FHIT: variants seen among roughly 807,000 people sequenced by gnomAD.
FHIT encodes the protein fragile histidine triad diadenosine triphosphatase.
Under a neutral mutation model 17.9 loss-of-function variants are expected in FHIT, and 19 were observed. The observed-to-expected ratio is 1.06, with a 90% CI of 0.74 to 1.56. The LOEUF (loss-of-function observed/expected upper bound fraction) is 1.56. FHIT is among the 40% of genes most tolerant of loss of function. The pLI, the probability that FHIT is intolerant of heterozygous loss-of-function variation, is 0.00. For missense variants in FHIT, 248 were observed against 189.2 expected, an observed-to-expected ratio of 1.31 and a Z score of -1.82; for synonymous variants, 81 against 69.7, an observed-to-expected ratio of 1.16 and a Z score of -0.81.
chr3:60,457,075 A>G (rs1303740455), intron 5 of FHIT, among the ~76,000 whole-genome samples: 1 of 152,198 alleles, frequency 6.6e-6, no homozygotes, highest in Non-Finnish European at 1.5e-5. Flanking sequence ...AATTGGAAAA[A>G]ACTACTTTAA....
At chr3:60,442,507 C>T (rs1366588413) in intron 5 of FHIT, among the ~76,000 whole-genome samples, 2 of 152,118 alleles carry the variant, frequency 1.3e-5, no homozygotes, top group Non-Finnish European at 2.9e-5. Flanking sequence ...CCAGTTTTCC[C>T]AGCACCATTT....
Position 60,587,797 on chromosome 3 carries a change from C to T in FHIT, c.-17-50818G>A, listed in dbSNP as rs146199694. On this transcript the variant is annotated intron_variant, in intron 4 of 9. Coordinates refer to ENST00000492590, the MANE Select transcript of FHIT (RefSeq NM_002012.4). ...TGTATGCCTATATTTTTATTTTATC[C>T]TCTGACCATGGTAACATCGGTTGTC... Among the ~76,000 whole-genome samples the T allele has an allele frequency of 3.3e-5, 5 of 152,086 alleles. No homozygotes were observed. In the East Asian group the frequency reaches 9.7e-4, roughly 30 times the overall value.
intron 5 of FHIT, among the ~76,000 whole-genome samples, chr3:60,293,756 G>C (rs544837594): frequency 6.6e-6 from 1 of 152,118 alleles, no homozygotes; most frequent in Non-Finnish European, 1.5e-5. Context: ...TTTAGATAAA[G>C]AGGAATGGCA....
At chr3:60,890,889 A>G (rs911238494) in intron 3 of FHIT, among the ~76,000 whole-genome samples, 1 of 152,156 alleles carries the variant, frequency 6.6e-6, no homozygotes, top group Admixed American at 6.6e-5. Context: ...CTCAAAATCA[A>G]TAGGGCCATT....
intron 4 of FHIT, among the ~76,000 whole-genome samples, chr3:60,717,824 C>T (rs2041721807): frequency 6.6e-6 from 1 of 152,114 alleles, no homozygotes; most frequent in African/African-American, 2.4e-5. Flanking sequence ...CTGCCACCTA[C>T]CAAAATGTGA....
At chr3:59,943,218 C>T (rs775144644) in intron 7 of FHIT, among the ~76,000 whole-genome samples, 1 of 152,102 alleles carries the variant, frequency 6.6e-6, no homozygotes, top group Non-Finnish European at 1.5e-5. Flanking sequence ...TGATCAGGAA[C>T]CAGCTCAGGG....
intron 2 of FHIT, among the ~76,000 whole-genome samples, chr3:61,176,579 A>G (rs2038162343): frequency 6.6e-6 from 1 of 152,110 alleles, no homozygotes; most frequent in African/African-American, 2.4e-5. Flanking sequence ...TATTCTCCCA[A>G]TTCACTTAAG....
chr3:60,745,888 G>A (rs531010093), intron 4 of FHIT, among the ~76,000 whole-genome samples: 157 of 152,200 alleles, frequency 1.0e-3, no homozygotes, highest in African/African-American at 3.7e-3. Context: ...GTACCACCAC[G>A]TACTCTGAGT....
intron 5 of FHIT, among the ~76,000 whole-genome samples, chr3:60,384,767 T>G (rs1007298296): frequency 8.7e-5 from 13 of 149,706 alleles, no homozygotes; most frequent in Admixed American, 8.7e-4. Flanking sequence ...CTTCAACAGA[T>G]ACACTACAAA....
At chr3:60,946,948 G>C (rs9990051) in intron 3 of FHIT, among the ~76,000 whole-genome samples, 76,889 of 152,072 alleles carry the variant, frequency 0.51, 20,358 homozygotes, top group East Asian at 0.67. Context: ...GTCTGAGGAT[G>C]TGAATTTTTT....
At chr3:60,311,083 C>T (rs934795816) in intron 5 of FHIT, among the ~76,000 whole-genome samples, 3 of 152,138 alleles carry the variant, frequency 2.0e-5, no homozygotes, top group East Asian at 1.9e-4. Context: ...TGTCAATTAA[C>T]CCAACGTCAT....
intron 5 of FHIT, among the ~76,000 whole-genome samples, chr3:60,418,764 T>A (rs2687186): frequency 0.92 from 137,138 of 149,120 alleles, 64,032 homozygotes; most frequent in East Asian, 1. Flanking sequence ...CAAAAAAAAA[T>A]ATATTGAATG....
At chr3:59,909,295 G>T (rs1241231006) in intron 8 of FHIT, among the ~76,000 whole-genome samples, 1 of 151,954 alleles carries the variant, frequency 6.6e-6, no homozygotes, top group Admixed American at 6.6e-5. Context: ...GCCTCCCAAA[G>T]GGCTGGGATT....
intron 5 of FHIT, among the ~76,000 whole-genome samples, chr3:60,139,320 G>A (rs1044637473): frequency 5.3e-5 from 8 of 152,094 alleles, no homozygotes; most frequent in South Asian, 4.1e-4. Flanking sequence ...AACCAAAAAG[G>A]GGGCAAAGCC....
At chr3:61,026,660 AT>A (rs543808254) in intron 3 of FHIT, among the ~76,000 whole-genome samples, 12 of 151,500 alleles carry the variant, frequency 7.9e-5, no homozygotes, top group African/African-American at 2.2e-4. Context: ...TTTTTTTGCA[AT>A]TTTTTTTTAA....
intron 2 of FHIT, among the ~76,000 whole-genome samples, chr3:61,170,187 T>C (rs376847737): frequency 6.6e-6 from 1 of 152,272 alleles, no homozygotes; most frequent in South Asian, 2.1e-4. Flanking sequence ...TTCAATTCAA[T>C]AAATCTTGTC....
chr3:61,053,771 C>T lies in FHIT; in HGVS notation c.-163-11672G>A, dbSNP rs887960514. ...GTCAAACCCATAGCTTCTCTGGCTA[C>T]TCAGGAAATTAGTAAAGGAGGGCAA... On this transcript the variant is annotated intron_variant, in intron 2 of 9. Coordinates refer to ENST00000492590, the MANE Select transcript of FHIT (RefSeq NM_002012.4). 8.5e-5 allele frequency among the ~76,000 whole-genome samples: 13 copies of T among 152,064 alleles called. No homozygotes were observed. The East Asian group carries it at 2.5e-3, about 29-fold the overall frequency.
chr3:60,822,723 T>C (rs1489613764), intron 3 of FHIT, among the ~76,000 whole-genome samples: 2 of 152,162 alleles, frequency 1.3e-5, no homozygotes, highest in Non-Finnish European at 2.9e-5. Context: ...AAGTACAGTT[T>C]CTGGCACATG....
At chr3:59,841,752 C>G (rs1365984881) in intron 8 of FHIT, among the ~76,000 whole-genome samples, 2 of 152,066 alleles carry the variant, frequency 1.3e-5, no homozygotes, top group Admixed American at 6.6e-5. Flanking sequence ...TTAAAACTAT[C>G]TTTTTAATAA....
Sources: allele counts gnomAD v4.1 joint callset (sites outside exome capture counted in the v4.1 genomes callset), GRCh38; gene constraint gnomAD v4.1.1; transcripts MANE v1.5; gene names NCBI Gene and HGNC (gene_info 2026-07-23, HGNC 2026-07-21).